FAAH2: variants seen among roughly 807,000 people sequenced by gnomAD.
The protein encoded by FAAH2 is fatty acid amide hydrolase 2.
In FAAH2, 60 loss-of-function variants were observed where a neutral mutation model predicts 36.9. The observed-to-expected ratio is 1.63, with a 90% confidence interval of 1.32 to 2.02. The LOEUF (loss-of-function observed/expected upper bound fraction) is 2.02. FAAH2 is among the 30% of genes most tolerant of loss of function. The pLI, the probability that FAAH2 is intolerant of heterozygous loss-of-function variation, is 0.00. For missense variants in FAAH2, 689 were observed against 397.5 expected, an observed-to-expected ratio of 1.73 and a Z score of -6.23; for synonymous variants, 214 against 143.8, an observed-to-expected ratio of 1.49 and a Z score of -3.49.
At chrX:57,161,319 A>T in the FAAH2 span, among the ~76,000 whole-genome samples, 1 of 111,823 alleles carries the variant, frequency 8.9e-6, no homozygotes, top group Non-Finnish European at 1.9e-5. Flanking sequence ...TGTGGTGCTG[A>T]AAAGAATGTA....
intron 7 of FAAH2, among the ~76,000 whole-genome samples, chrX:57,401,163 G>C (rs1284316850): frequency 9.0e-6 from 1 of 111,307 alleles, no homozygotes; most frequent in Non-Finnish European, 1.9e-5. Flanking sequence ...GACCACTTGG[G>C]TGGCTTGATG....
At chrX:57,149,501 G>C in the FAAH2 span, among the ~76,000 whole-genome samples, 1 of 111,365 alleles carries the variant, frequency 9.0e-6, no homozygotes, top group African/African-American at 3.3e-5. Flanking sequence ...TGTATGTGTC[G>C]AGGAATTTAT....
chrX:57,191,822 T>C, the FAAH2 span, among the ~76,000 whole-genome samples: 1 of 111,949 alleles, frequency 8.9e-6, no homozygotes, highest in Non-Finnish European at 1.9e-5. Context: ...TGGGGTTCTC[T>C]ATTCTCTTCT....
chrX:57,178,578 G>T, the FAAH2 span, among the ~76,000 whole-genome samples: 10 of 111,522 alleles, frequency 9.0e-5, no homozygotes, highest in African/African-American at 2.9e-4. Context: ...GTGGAGGCTG[G>T]GTCAAGCAAG....
intron 5 of FAAH2, among the ~76,000 whole-genome samples, chrX:57,354,967 C>A (rs185400839): frequency 9.0e-6 from 1 of 110,853 alleles, no homozygotes; most frequent in Admixed American, 9.6e-5. Flanking sequence ...GTTTATCTGG[C>A]TAGCACTGCC....
the FAAH2 span, among the ~76,000 whole-genome samples, chrX:57,220,333 C>A: frequency 2.7e-5 from 2 of 73,915 alleles, no homozygotes; most frequent in Non-Finnish European, 2.1e-5. Flanking sequence ...TATACCTATT[C>A]TCCTCCCCAA....
At chrX:57,350,645 A>G (rs193014056) in intron 5 of FAAH2, among the ~76,000 whole-genome samples, 1 of 111,462 alleles carries the variant, frequency 9.0e-6, no homozygotes, top group East Asian at 2.8e-4. Flanking sequence ...ATTAACTGAA[A>G]GAAAAGGGGT....
chrX:57,245,910 A>T, the FAAH2 span, among the ~76,000 whole-genome samples: 1 of 111,660 alleles, frequency 9.0e-6, no homozygotes, highest in African/African-American at 3.3e-5. Context: ...GACATGAAGA[A>T]CCCTTTGAAA....
the FAAH2 span, among the ~76,000 whole-genome samples, chrX:57,218,529 C>T: frequency 6.2e-5 from 7 of 112,004 alleles, no homozygotes; most frequent in Admixed American, 4.7e-4. Flanking sequence ...TTAACCACCC[C>T]TGCATCCCTG....
the FAAH2 span, among the ~76,000 whole-genome samples, chrX:57,215,906 C>CATATATATATATAT: frequency 2.2e-5 from 2 of 89,533 alleles, no homozygotes; most frequent in African/African-American, 8.0e-5. Context: ...CCATGGCACT[C>CATATATATATATAT]ATATATATAT....
At chrX:57,483,968 G>T (rs745595006) in intron 10 of FAAH2, among the ~76,000 whole-genome samples, 2 of 109,135 alleles carry the variant, frequency 1.8e-5, no homozygotes, top group African/African-American at 6.7e-5. Flanking sequence ...ACCACACCCA[G>T]CTAATTTTGT....
intron 3 of FAAH2, among the ~76,000 whole-genome samples, chrX:57,324,862 A>G (rs1276019041): frequency 8.9e-6 from 1 of 111,898 alleles, no homozygotes; most frequent in African/African-American, 3.3e-5. Flanking sequence ...CCTGGCCATA[A>G]CTTCCAACAC....
intron 10 of FAAH2, among the ~76,000 whole-genome samples, chrX:57,473,979 G>A (rs1252664876): frequency 9.0e-6 from 1 of 111,210 alleles, no homozygotes; most frequent in African/African-American, 3.3e-5. Flanking sequence ...TTTAAGTGGA[G>A]TATTTATGCC....
At chrX:57,472,328 T>G (rs2057184616) in intron 10 of FAAH2, among the ~76,000 whole-genome samples, 2 of 111,566 alleles carry the variant, frequency 1.8e-5, no homozygotes, top group Admixed American at 9.5e-5. Context: ...GGGAGAAAAT[T>G]TTTGCAATCT....
chrX:57,290,199 T>C (rs1030942760), intron 1 of FAAH2: 2 of 195,969 alleles, frequency 1.0e-5, no homozygotes, highest in African/African-American at 3.5e-5. Context: ...TAACCCCTGC[T>C]TTTTTTTTTT....
At position 57,446,986 on chromosome X, in the gene FAAH2, G is replaced by A. The variant is rs1333565102; in HGVS notation, c.1175G>A (p.Trp392Ter). Residue 392 changes from tryptophan to a stop codon, truncating the protein, a stop_gained, in exon 9 of 11, where the codon TGG (tryptophan) becomes TAG (stop). Transcript: ENST00000374900. LOFTEE classifies it high-confidence loss of function. ...CATGGGAAACATGTCAGTCCTCTGT[G>A]GGAGTTGATCAAATGGTGCCTGGGT... ...GDHGKHVSPL[W>*]ELIKWCLGLS... is the part of the protein sequence containing the mutation. 3.3e-6 allele frequency: 4 copies of A among 1,208,138 alleles called. No homozygotes were observed. The African/African-American group carries it at 7.0e-5, about 21-fold the overall frequency.
chrX:57,205,322 C>T, the FAAH2 span, among the ~76,000 whole-genome samples: 1 of 112,415 alleles, frequency 8.9e-6, no homozygotes, highest in Non-Finnish European at 1.9e-5. Context: ...TTAAATATTG[C>T]AGTAATAACT....
At chrX:57,211,546 G>T in the FAAH2 span, among the ~76,000 whole-genome samples, 1 of 111,848 alleles carries the variant, frequency 8.9e-6, no homozygotes, top group African/African-American at 3.3e-5. Context: ...GGTTAACAAA[G>T]ATGAAACATA....
the FAAH2 span, among the ~76,000 whole-genome samples, chrX:57,170,009 C>T: frequency 9.0e-6 from 1 of 111,115 alleles, no homozygotes; most frequent in Non-Finnish European, 1.9e-5. Context: ...TGTGTTCAAA[C>T]ATCAAAGCTG....
Sources: gnomAD v4.1 joint callset for allele counts (sites outside exome capture counted in the v4.1 genomes callset) on GRCh38, gnomAD v4.1.1 for gene constraint, MANE v1.5 for transcripts, NCBI Gene and HGNC (gene_info 2026-07-23, HGNC 2026-07-21) for gene names.